Variants in OXNAD1 observed in about 807,000 individuals in gnomAD.
OXNAD1 encodes the protein oxidoreductase NAD binding domain containing 1.
OXNAD1 carries 34 observed loss-of-function variants against 32.9 expected under a neutral mutation model. The observed-to-expected ratio is 1.03, with a 90% CI of 0.79 to 1.38. The LOEUF is 1.38. OXNAD1 is among the 40% of genes most tolerant of loss of function. The pLI is 0.00. For synonymous variants in OXNAD1, 134 were observed against 135.2 expected (o/e 0.99, Z 0.06); for missense variants, 407 against 379.4 (o/e 1.07, Z -0.60).
rs2068229097 is a variant in OXNAD1 at position 16,314,890 on chromosome 3, T to C, written c.*30+11298T>C. 2 of 148,392 alleles carry C rather than the reference T, an allele frequency of 1.3e-5. No individual in the cohort carries two copies. Among genetic ancestry groups the C allele is most frequent in the African/African-American group, 2.4e-5 (1 of 41,226 alleles). The allele number at this position is 148,392 out of a possible 1,614,324, so 9.2% of individuals were successfully genotyped here. A position where few individuals can be genotyped will look rare whatever the true frequency, so the allele number is the denominator to read the frequency against. ...TTTTTAAAATCATGATCCTTTAAGA[T>C]ATGTGCCAAGAGATAATGTTTTTAT... On this transcript the variant is annotated intron_variant, in intron 9 of 9. Coordinates refer to the OXNAD1 transcript ENST00000435829. The surrounding 1 kb of genome is among the most constrained non-coding windows in gnomAD (Gnocchi z 4.4).
chr3:16,285,184 G>A (rs576200521), intron 4 of OXNAD1, among the ~76,000 whole-genome samples: 23 of 152,346 alleles, frequency 1.5e-4, no homozygotes, highest in South Asian at 1.0e-3. Flanking sequence ...TTGAGGTGGT[G>A]AGAGAGACCA....
intron 6 of OXNAD1, among the ~76,000 whole-genome samples, chr3:16,300,381 A>G (rs1352083567): frequency 6.6e-6 from 1 of 152,272 alleles, no homozygotes; most frequent in Non-Finnish European, 1.5e-5. Flanking sequence ...TACACTGTCT[A>G]CAAATGCAGA....
At chr3:16,333,078 C>T (rs557901742) in intron 9 of OXNAD1, among the ~76,000 whole-genome samples, 12 of 152,190 alleles carry the variant, frequency 7.9e-5, no homozygotes, top group Non-Finnish European at 1.6e-4. Flanking sequence ...ATAACTCATG[C>T]CTGAACAAAG....
chr3:16,316,900 G>T lies in OXNAD1; in HGVS notation c.*30+13308G>T. 6.2e-7 allele frequency: 1 copy of T among 1,614,160 alleles called. No individual in the cohort carries two copies. The highest frequency in any genetic ancestry group is 8.5e-7 in the Non-Finnish European group (1 of 1,180,038). On this transcript the variant is annotated intron_variant, in intron 9 of 9. Coordinates refer to the OXNAD1 transcript ENST00000435829. The surrounding 1 kb of genome is among the most constrained non-coding windows in gnomAD (Gnocchi z 4.5). ...CGTCCCTGGCATCCTCTCCAGGATT[G>T]GAGTGCCCAGTGCAAATCCCCACCA... is the stretch of plus-strand genomic sequence containing the variant.
Position 16,321,935 on chromosome 3 carries a change from A to C in OXNAD1, c.*31-15177A>C, listed in dbSNP as rs1408071357. Among the ~76,000 whole-genome samples the C allele has an allele frequency of 6.6e-6, 1 of 151,972 alleles. No individual in the cohort carries two copies. Among genetic ancestry groups the C allele is most frequent in the Non-Finnish European group, 1.5e-5 (1 of 67,958 alleles). On this transcript the variant is annotated intron_variant, in intron 9 of 9. Coordinates refer to the OXNAD1 transcript ENST00000435829. This position sits in a 1 kb window ranked among gnomAD's most constrained non-coding sequence, Gnocchi z 4.8. ...ATGACCTTCACACCAACATCCAACC[A>C]CATGTCTCTCCTTTGGAATCTGTGT... is the stretch of plus-strand genomic sequence containing the variant.
chr3:16,272,613 A>G (rs1266202066), intron 4 of OXNAD1, among the ~76,000 whole-genome samples: 2 of 151,004 alleles, frequency 1.3e-5, no homozygotes, highest in African/African-American at 4.9e-5. Flanking sequence ...CTTTGGGACT[A>G]AGGGTAATGT....
rs767370230 is a variant in OXNAD1 at position 16,322,856 on chromosome 3, ACAGCTAGCATCAC to A, written c.*31-14250_*31-14238del. Among the ~76,000 whole-genome samples, 6 of 152,142 alleles carry A rather than the reference ACAGCTAGCATCAC, an allele frequency of 3.9e-5. No individual in the cohort carries two copies. The highest frequency in any genetic ancestry group is 7.4e-5 in the Non-Finnish European group (5 of 68,006). On this transcript the variant is annotated intron_variant, in intron 9 of 9. Transcript: ENST00000435829. The surrounding 1 kb of genome is among the most constrained non-coding windows in gnomAD (Gnocchi z 6.2). ...GCCTGAGGACTTGCTGCCACAGGCT[ACAGCTAGCATCAC>A]CAGCTGTCACACAGAGGCCTTTGGG...
chr3:16,285,852 A>C (rs933356466), intron 4 of OXNAD1, among the ~76,000 whole-genome samples: 4 of 152,212 alleles, frequency 2.6e-5, no homozygotes, highest in Non-Finnish European at 1.5e-5. Flanking sequence ...GAAATTGTTA[A>C]AAGTTTCTAA....
At chr3:16,351,881 GAAAA>G (rs11366942), downstream of OXNAD1, among the ~76,000 whole-genome samples, 1 of 151,076 alleles carries the variant, frequency 6.6e-6, no homozygotes, top group African/African-American at 2.4e-5. This position sits in a 1 kb window ranked among gnomAD's most constrained non-coding sequence, Gnocchi z 5.4. Context: ...AGAAAGACTA[GAAAA>G]AAAAATCATG....
At position 16,345,301 on chromosome 3, in the gene OXNAD1, T is replaced by TGTGTGTGTGTGTGTGTGTGTG. The variant is rs1559842639; in HGVS notation, c.*31-3875_*31-3874insGTGTGTGTGTGTGTGTGTGTG. ...GTGTGTGTGTGTGTGTGTGTGTGTG[T>TGTGTGTGTGTGTGTGTGTGTG]TTAAAGCTGTTATAGAATTATCTCC... On this transcript the variant is annotated intron_variant, in intron 9 of 9. Transcript: ENST00000606098. The surrounding 1 kb of genome is among the most constrained non-coding windows in gnomAD (Gnocchi z 5.2). 15 of 146,410 alleles carry TGTGTGTGTGTGTGTGTGTGTG rather than the reference T, an allele frequency of 1.0e-4. No individual in the cohort carries two copies. The highest frequency in any genetic ancestry group is 3.5e-4 in the African/African-American group (14 of 40,306). The allele number at this position is 146,410 out of a possible 1,614,324, so 9.1% of individuals were successfully genotyped here. A position where few individuals can be genotyped will look rare whatever the true frequency, so the allele number is the denominator to read the frequency against.
intron 9 of OXNAD1, among the ~76,000 whole-genome samples, chr3:16,332,830 T>A (rs954832176): frequency 8.0e-6 from 1 of 124,610 alleles, no homozygotes; most frequent in Non-Finnish European, 1.7e-5. Flanking sequence ...CTTGTGGGCA[T>A]CGATTTATCT....
intron 1 of OXNAD1, among the ~76,000 whole-genome samples, chr3:16,267,404 A>G (rs1209987786): frequency 6.6e-6 from 1 of 152,192 alleles, no homozygotes; most frequent in Non-Finnish European, 1.5e-5. Context: ...CCCTTAGGAT[A>G]AAATTCTTAC....
rs77395964 is a variant in OXNAD1, at chr3:16,288,382, G to A, written c.290+1934G>A. 3.9e-5 allele frequency among the ~76,000 whole-genome samples: 6 copies of A among 152,160 alleles called. No individual in the cohort carries two copies. The highest frequency in any genetic ancestry group is 1.3e-4 in the Admixed American group (2 of 15,276). Reference sequence around the variant, plus strand: ...TATCTTTGGGGTAAGAGATTGGGCCGTGATTCCACATCTCTGAATTTTTGA... The same window carrying A: ...TATCTTTGGGGTAAGAGATTGGGCCATGATTCCACATCTCTGAATTTTTGA... On this transcript the variant is annotated intron_variant, in intron 5 of 8. Transcript: ENST00000285083. This position sits in a 1 kb window ranked among gnomAD's most constrained non-coding sequence, Gnocchi z 5.1.
At position 16,345,842 on chromosome 3, in the gene OXNAD1, A is replaced by T. The variant is rs1417186437; in HGVS notation, c.*31-3334A>T. Among the ~76,000 whole-genome samples the T allele has an allele frequency of 4.7e-5, 2 of 42,648 alleles. No individual in the cohort carries two copies. Among genetic ancestry groups the T allele is most frequent in the African/African-American group, 1.3e-4 (1 of 7,754 alleles). 28.0% of individuals were successfully genotyped at this position (42,648 alleles called of 152,430 possible). Reference sequence around the variant, plus strand: ...TGCGCGCGCGCGTGCGCGCACGCGCACATGTGCATGTGTATGTGTATAATC... The same window carrying T: ...TGCGCGCGCGCGTGCGCGCACGCGCTCATGTGCATGTGTATGTGTATAATC... On this transcript the variant is annotated intron_variant, in intron 9 of 9. Coordinates refer to the OXNAD1 transcript ENST00000606098. The surrounding 1 kb of genome is among the most constrained non-coding windows in gnomAD (Gnocchi z 5.2).
In OXNAD1 at chr3:16,303,098, T is replaced by C. The variant is rs564719332; in HGVS notation, c.785-310T>C. On this transcript the variant is annotated intron_variant, in intron 8 of 8. Coordinates refer to ENST00000285083, the MANE Select transcript of OXNAD1 (RefSeq NM_138381.5). This position sits in a 1 kb window ranked among gnomAD's most constrained non-coding sequence, Gnocchi z 4.8. ...ATAATTTCCTCTGAAAGGATTTTTA[T>C]AAAACAGTTACTTCCTTTGCTGAAG... 2.6e-5 allele frequency among the ~76,000 whole-genome samples: 4 copies of C among 152,352 alleles called. No homozygotes were observed. Among genetic ancestry groups the C allele is most frequent in the African/African-American group, 9.6e-5 (4 of 41,582 alleles).
chr3:16,273,903 C>T (rs1242938944), intron 4 of OXNAD1, among the ~76,000 whole-genome samples: 2 of 152,020 alleles, frequency 1.3e-5, no homozygotes, highest in Non-Finnish European at 2.9e-5. Flanking sequence ...ACCATCATTT[C>T]TGTTTCCTAA....
intron 5 of OXNAD1, among the ~76,000 whole-genome samples, chr3:16,286,823 A>C (rs2066108075): frequency 6.6e-6 from 1 of 152,220 alleles, no homozygotes; most frequent in Admixed American, 6.5e-5. Flanking sequence ...CAGGAGATTC[A>C]TAGGTTTTTT....
intron 9 of OXNAD1, among the ~76,000 whole-genome samples, chr3:16,319,332 T>C (rs2068785291): frequency 6.6e-6 from 1 of 152,358 alleles, no homozygotes; most frequent in Non-Finnish European, 1.5e-5. Context: ...CCTTAAGTGC[T>C]AAAATGTCAA....
At chr3:16,332,169 T>C (rs994039128) in intron 9 of OXNAD1, among the ~76,000 whole-genome samples, 2 of 152,082 alleles carry the variant, frequency 1.3e-5, no homozygotes, top group South Asian at 2.1e-4. Context: ...TTCTGAAAAA[T>C]GTATTTTTCC....
Sources: gnomAD v4.1 joint callset for allele counts (sites outside exome capture counted in the v4.1 genomes callset) on GRCh38, gnomAD v4.1.1 for gene constraint, Gnocchi (gnomAD v3.1) non-coding constraint, MANE v1.5 for transcripts, NCBI Gene and HGNC (gene_info 2026-07-23, HGNC 2026-07-21) for gene names.